The following NUP98 variants were observed in gnomAD, a reference collection of about 807,000 sequenced individuals.
The protein encoded by NUP98 is nucleoporin 98 and 96 precursor.
NUP98 carries 26 observed loss-of-function variants against 191.9 expected under a neutral mutation model. The observed-to-expected ratio is 0.14, with a 90% confidence interval of 0.10 to 0.19. NUP98 has a LOEUF of 0.19. NUP98 is among the 10% of genes least tolerant of loss of function. NUP98 has a pLI of 1.00. For synonymous variants in NUP98, 808 were observed against 778.4 expected, an observed-to-expected ratio of 1.04 and a Z score of -0.63; for missense variants, 1,941 against 2,178.8, an observed-to-expected ratio of 0.89 and a Z score of 2.17.
chr11:3,740,817 TA>T (rs2080254960), intron 12 of NUP98, among the ~76,000 whole-genome samples: 1 of 149,860 alleles, frequency 6.7e-6, no homozygotes, highest in East Asian at 1.9e-4. Context: ...TAAATATATA[TA>T]TATATATTTT....
At chr11:3,718,393 G>A (rs1172061268) in intron 18 of NUP98, among the ~76,000 whole-genome samples, 1 of 151,888 alleles carries the variant, frequency 6.6e-6, no homozygotes, top group African/African-American at 2.4e-5. Flanking sequence ...AAAATTAGCT[G>A]AGCATGGTGG....
At chr11:3,706,026 TGTG>T (rs2078849092) in intron 21 of NUP98, among the ~76,000 whole-genome samples, 2 of 143,930 alleles carry the variant, frequency 1.4e-5, no homozygotes, top group African/African-American at 5.1e-5. Flanking sequence ...AGTAGCCAGG[TGTG>T]GTGGTGGTAC....
intron 32 of NUP98, 59 bp from the exon 33 acceptor site, chr11:3,676,435 A>G: frequency 1.9e-6 from 3 of 1,604,470 alleles, no homozygotes; most frequent in Non-Finnish European, 2.6e-6. Context: ...GGTGGTAGGC[A>G]CTGAGGGTGG....
At chr11:3,730,201 C>G (rs1158324708) in intron 14 of NUP98, among the ~76,000 whole-genome samples, 2 of 152,058 alleles carry the variant, frequency 1.3e-5, no homozygotes, top group Non-Finnish European at 2.9e-5. Context: ...TGCCACTGCA[C>G]TCCAGCCTGG....
chr11:3,677,376 C>G (rs1311058557), intron 31 of NUP98, among the ~76,000 whole-genome samples: 1 of 147,082 alleles, frequency 6.8e-6, no homozygotes, highest in African/African-American at 2.5e-5. Flanking sequence ...AGAAGCAGAA[C>G]AAGATAATAC....
chr11:3,676,105 G>A lies in NUP98; in HGVS notation c.*54C>T. 1 of 1,539,450 alleles carries A rather than the reference G, an allele frequency of 6.5e-7. No homozygotes were observed. ...ACAGTGCCAATCCAAACAAGGCAGG[G>A]AACCTCTGTGTGGTGTGAATGGGCA... On this transcript the variant is annotated 3_prime_UTR_variant, in exon 33 of 33. Coordinates refer to ENST00000324932, the MANE Select transcript of NUP98 (RefSeq NM_016320.5).
intron 20 of NUP98, among the ~76,000 whole-genome samples, chr11:3,709,741 T>G (rs1309732593): frequency 6.9e-6 from 1 of 144,410 alleles, no homozygotes; most frequent in African/African-American, 2.6e-5. Flanking sequence ...AGCAAGCCAA[T>G]TAGCCTGCCT....
chr11:3,715,693 C>CA (rs1266863588), intron 18 of NUP98, among the ~76,000 whole-genome samples: 2 of 152,084 alleles, frequency 1.3e-5, no homozygotes, highest in African/African-American at 4.8e-5. Flanking sequence ...CCAACCTGGC[C>CA]AACATGGTGA....
At chr11:3,745,756 G>T (rs2080466766) in intron 11 of NUP98, among the ~76,000 whole-genome samples, 1 of 152,070 alleles carries the variant, frequency 6.6e-6, no homozygotes, top group South Asian at 2.1e-4. Context: ...CATGGCTTCT[G>T]AAGTTCTTTT....
intron 20 of NUP98, among the ~76,000 whole-genome samples, chr11:3,710,400 C>CT (rs1012858854): frequency 2.0e-5 from 3 of 152,014 alleles, no homozygotes; most frequent in African/African-American, 4.8e-5. Flanking sequence ...GATTTACTTG[C>CT]TTTTTTTAAG....
chr11:3,735,130 TC>T, intron 13 of NUP98, 60 bp downstream of exon 13: 11 of 1,452,958 alleles, frequency 7.6e-6, no homozygotes, highest in Non-Finnish European at 1.0e-5. Flanking sequence ...AAAATTACAT[TC>T]TGCACATTCA....
chr11:3,747,063 T>A (rs1253605301), intron 11 of NUP98, among the ~76,000 whole-genome samples: 1 of 152,198 alleles, frequency 6.6e-6, no homozygotes, highest in Non-Finnish European at 1.5e-5. Flanking sequence ...TTATGTTTAA[T>A]GAAAGAAGTA....
chr11:3,784,793 T>C (rs2082087474), intron 1 of NUP98, among the ~76,000 whole-genome samples: 1 of 151,394 alleles, frequency 6.6e-6, no homozygotes, highest in Admixed American at 6.6e-5. Context: ...CAAAAATGTC[T>C]AGGGCTGGGG....
rs137889980 is a variant in NUP98 at position 3,723,548 on chromosome 11, C to T, written c.1848-93G>A. On this transcript the variant is annotated intron_variant, in intron 15 of 32. Transcript: ENST00000324932. ...TACCGAGCCTTTACTAAGTGCCTGG[C>T]ACTGTTCTGGATAGTTCCATGTATT... 7 of 1,023,486 alleles carry T rather than the reference C, an allele frequency of 6.8e-6. No individual in the cohort carries two copies. The African/African-American group carries it at 9.5e-5, about 14-fold the overall frequency. 63.4% of individuals were successfully genotyped at this position (1,023,486 alleles called of 1,614,324 possible).
At chr11:3,734,383 G>A (rs966683234) in intron 13 of NUP98, among the ~76,000 whole-genome samples, 26 of 152,132 alleles carry the variant, frequency 1.7e-4, no homozygotes, top group African/African-American at 6.3e-4. Context: ...AAAAGCTGAG[G>A]GATACATGTA....
intron 9 of NUP98, 55 bp downstream of exon 9, chr11:3,762,847 T>C: frequency 3.8e-6 from 6 of 1,584,310 alleles, no homozygotes; most frequent in Non-Finnish European, 4.3e-6. Flanking sequence ...AGAAGAAAAT[T>C]CCTTTTAACA....
rs1051869450 is a variant in NUP98 at position 3,675,948 on chromosome 11, T to A, written c.*211A>T. ...CTGAATGATCTTGAGGATGGTAAAC[T>A]GTCTCCTCTTCTGGGTTCCAGAAGC... On this transcript the variant is annotated 3_prime_UTR_variant, in exon 33 of 33. Coordinates refer to ENST00000324932, the MANE Select transcript of NUP98 (RefSeq NM_016320.5). The A allele has an allele frequency of 8.6e-6, 5 of 581,296 alleles. No individual in the cohort carries two copies. The highest frequency in any genetic ancestry group is 1.2e-5 in the Non-Finnish European group (4 of 326,748). The allele number at this position is 581,296 out of a possible 1,614,324, so 36.0% of individuals were successfully genotyped here. A position where few individuals can be genotyped will look rare whatever the true frequency, so the allele number is the denominator to read the frequency against.
intron 11 of NUP98, among the ~76,000 whole-genome samples, chr11:3,745,493 G>A (rs765907797): frequency 8.6e-5 from 13 of 152,022 alleles, no homozygotes; most frequent in East Asian, 7.7e-4. Context: ...CCTTGTTGCC[G>A]GTGGTGATTT....
chr11:3,758,984 A>C (rs1268838756), intron 10 of NUP98, among the ~76,000 whole-genome samples: 1 of 152,228 alleles, frequency 6.6e-6, no homozygotes, highest in African/African-American at 2.4e-5. Context: ...ATTGGTACCT[A>C]TCAATGAACT....
Sources: gnomAD v4.1 joint callset for allele counts (sites outside exome capture counted in the v4.1 genomes callset) on GRCh38, gnomAD v4.1.1 for gene constraint, MANE v1.5 for transcripts, NCBI Gene and HGNC (gene_info 2026-07-23, HGNC 2026-07-21) for gene names.